OR6N1: variants seen among roughly 807,000 people sequenced by gnomAD.
OR6N1 encodes the protein olfactory receptor family 6 subfamily N member 1, also known as olfactory receptor 6N1.
For missense variants in OR6N1, 394 were observed against 371.7 expected (o/e 1.06, Z -0.49); for synonymous variants, 170 against 150.7 (o/e 1.13, Z -0.94).
chr1:158,791,715 GC>G, the OR6N1 span, among the ~76,000 whole-genome samples: 509 of 152,248 alleles, frequency 3.3e-3, 1 homozygote, highest in African/African-American at 0.012. Flanking sequence ...TGATTTGCCT[GC>G]CTCGGCCTCC....
chr1:158,805,343 G>A, the OR6N1 span, among the ~76,000 whole-genome samples: 1 of 152,130 alleles, frequency 6.6e-6, no homozygotes, highest in Admixed American at 6.6e-5. Context: ...GCCAAAAGTT[G>A]GACCTCACCT....
At chr1:158,767,793 C>A (rs1160248957) in intron 1 of OR6N1, among the ~76,000 whole-genome samples, 1 of 152,188 alleles carries the variant, frequency 6.6e-6, no homozygotes, top group African/African-American at 2.4e-5. Flanking sequence ...GAAAACTCTT[C>A]CAAGAGTCGG....
chr1:158,838,177 A>AG, the OR6N1 span, among the ~76,000 whole-genome samples: 2 of 151,996 alleles, frequency 1.3e-5, no homozygotes, highest in African/African-American at 4.8e-5. Flanking sequence ...CCTTTCATCA[A>AG]GAACTTACAT....
chr1:158,810,635 A>G, the OR6N1 span, among the ~76,000 whole-genome samples: 3 of 152,300 alleles, frequency 2.0e-5, no homozygotes, highest in African/African-American at 7.2e-5. Context: ...CAAGTCCCAC[A>G]TAGCCTTTTA....
chr1:158,784,110 A>T, the OR6N1 span, among the ~76,000 whole-genome samples: 3 of 151,756 alleles, frequency 2.0e-5, no homozygotes, highest in African/African-American at 7.3e-5. Context: ...CCTCTAAAAA[A>T]CAAAAAAAAG....
chr1:158,773,299 T>G (rs1657469094), upstream of OR6N1, among the ~76,000 whole-genome samples: 1 of 152,196 alleles, frequency 6.6e-6, no homozygotes, highest in Admixed American at 6.5e-5. Flanking sequence ...TACGTAGAGT[T>G]TAAGTAATAA....
At chr1:158,791,608 T>C in the OR6N1 span, among the ~76,000 whole-genome samples, 1 of 152,002 alleles carries the variant, frequency 6.6e-6, no homozygotes, top group African/African-American at 2.4e-5. Flanking sequence ...TAGCTGGGAT[T>C]ACAGGCATGC....
chr1:158,829,255 T>C, the OR6N1 span, among the ~76,000 whole-genome samples: 4 of 152,264 alleles, frequency 2.6e-5, no homozygotes, highest in African/African-American at 9.6e-5. Context: ...TTCTTTTCTA[T>C]TGCATTATTA....
At chr1:158,839,013 T>G in the OR6N1 span, among the ~76,000 whole-genome samples, 2 of 152,196 alleles carry the variant, frequency 1.3e-5, no homozygotes, top group Non-Finnish European at 2.9e-5. Context: ...TATTTTCCTT[T>G]AACTCATTTA....
the OR6N1 span, chr1:158,777,522 G>A: frequency 6.2e-7 from 1 of 1,614,084 alleles, no homozygotes. Context: ...TACCACAGAT[G>A]GTGAACAGGT....
chr1:158,778,494 G>A, the OR6N1 span, among the ~76,000 whole-genome samples: 1 of 152,188 alleles, frequency 6.6e-6, no homozygotes, highest in Non-Finnish European at 1.5e-5. Context: ...CCCCTCTATG[G>A]TAACCAAACT....
At chr1:158,839,918 A>G in the OR6N1 span, among the ~76,000 whole-genome samples, 4 of 152,330 alleles carry the variant, frequency 2.6e-5, no homozygotes, top group Non-Finnish European at 5.9e-5. Context: ...GTGAGAAGAG[A>G]ACAATTTTTT....
At chr1:158,788,629 C>A in the OR6N1 span, among the ~76,000 whole-genome samples, 1 of 151,988 alleles carries the variant, frequency 6.6e-6, no homozygotes, top group Non-Finnish European at 1.5e-5. Flanking sequence ...ATTAGTATAG[C>A]CATCACTTTA....
the OR6N1 span, among the ~76,000 whole-genome samples, chr1:158,779,250 TA>T: frequency 6.6e-6 from 1 of 152,068 alleles, no homozygotes; most frequent in Admixed American, 6.6e-5. Flanking sequence ...TTTAAATGCA[TA>T]AAATGGCAAC....
At chr1:158,824,070 A>G in the OR6N1 span, among the ~76,000 whole-genome samples, 1 of 151,852 alleles carries the variant, frequency 6.6e-6, no homozygotes, top group East Asian at 1.9e-4. Flanking sequence ...ATGGTCCAAG[A>G]GTGTGGTTGA....
At chr1:158,821,439 G>A in the OR6N1 span, among the ~76,000 whole-genome samples, 3 of 151,954 alleles carry the variant, frequency 2.0e-5, no homozygotes, top group South Asian at 2.1e-4. Context: ...GAGTAGTTTC[G>A]CTGCCCTAAA....
At chr1:158,811,747 T>C in the OR6N1 span, among the ~76,000 whole-genome samples, 1 of 152,186 alleles carries the variant, frequency 6.6e-6, no homozygotes, top group Non-Finnish European at 1.5e-5. Context: ...GAACATTCAC[T>C]GTAAAAGATT....
the OR6N1 span, among the ~76,000 whole-genome samples, chr1:158,820,081 C>G: frequency 6.6e-6 from 1 of 152,174 alleles, no homozygotes; most frequent in Non-Finnish European, 1.5e-5. Context: ...AAGGGATTGG[C>G]TGAAATAAAG....
At chr1:158,801,698 CTG>C in the OR6N1 span, among the ~76,000 whole-genome samples, 19 of 152,250 alleles carry the variant, frequency 1.2e-4, no homozygotes, top group African/African-American at 4.6e-4. Flanking sequence ...CCCTGGTAGT[CTG>C]TGGATCTCTA....
Sources: allele counts gnomAD v4.1 joint callset (sites outside exome capture counted in the v4.1 genomes callset), GRCh38; gene constraint gnomAD v4.1.1; transcripts MANE v1.5; gene names NCBI Gene and HGNC (gene_info 2026-07-23, HGNC 2026-07-21).